The following AARS1 variants were observed in gnomAD, a reference collection of about 807,000 sequenced individuals.
AARS1 encodes alanyl-tRNA synthetase 1.
Under a neutral mutation model 108.9 loss-of-function variants are expected in AARS1, and 72 were observed. The ratio of observed to expected loss-of-function variants is 0.66; its 90% CI spans 0.55 to 0.80. The LOEUF (loss-of-function observed/expected upper bound fraction) is 0.80. Ranked by LOEUF, AARS1 falls within the 30% of genes least tolerant of loss-of-function variation. AARS1 has a pLI of 0.00. For missense variants in AARS1, 1,193 were observed against 1,233.2 expected, an observed-to-expected ratio of 0.97 and a Z score of 0.49; for synonymous variants, 489 against 465.7, an observed-to-expected ratio of 1.05 and a Z score of -0.64.
At chr16:70,258,443 G>C (rs1352766443) in intron 14 of AARS1, among the ~76,000 whole-genome samples, 1 of 152,208 alleles carries the variant, frequency 6.6e-6, no homozygotes, top group Non-Finnish European at 1.5e-5. Context: ...TATGTGAACA[G>C]ACTTAACTAG....
chr16:70,264,219 C>G (rs1343096666), intron 11 of AARS1, among the ~76,000 whole-genome samples: 5 of 151,436 alleles, frequency 3.3e-5, no homozygotes, highest in African/African-American at 1.2e-4. Context: ...GCACTCCAGC[C>G]TGGGCAACAG....
At chr16:70,262,834 G>A (rs1322559780) in intron 11 of AARS1, among the ~76,000 whole-genome samples, 3 of 151,478 alleles carry the variant, frequency 2.0e-5, no homozygotes, top group Admixed American at 6.6e-5. Context: ...CGGGTGTGGT[G>A]GCGGGCACCT....
chr16:70,255,728 C>G lies in AARS1; in HGVS notation c.2286G>C (p.Lys762Asn), dbSNP rs755001327. Residue 762 changes from lysine (K) to asparagine (N), a missense_variant and splice_region_variant, in exon 16 of 21, where the codon AAG (lysine) becomes AAC (asparagine). Transcript: ENST00000261772. Reference protein sequence around the residue: ...IVAVTGAEAQKALRKAESLKK... With the variant: ...IVAVTGAEAQNALRKAESLKK... ...CCACAAACCAGCCTGACCTGCTCAC[C>G]TTCTGGGCCTCGGCACCTGTGACAG... 6.2e-7 allele frequency: 1 copy of G among 1,614,054 alleles called. No individual in the cohort carries two copies. Among genetic ancestry groups the G allele is most frequent in the Non-Finnish European group, 8.5e-7 (1 of 1,179,940 alleles).
chr16:70,261,284 T>A, intron 12 of AARS1, 127 bp from the exon 13 acceptor site: 1 of 651,584 alleles, frequency 1.5e-6, no homozygotes, highest in Non-Finnish European at 2.7e-6. Flanking sequence ...ACACACATAC[T>A]CCCTTAATAT....
At chr16:70,286,979 C>T (rs553840212) in intron 1 of AARS1, among the ~76,000 whole-genome samples, 1 of 148,390 alleles carries the variant, frequency 6.7e-6, no homozygotes, top group African/African-American at 2.5e-5. Flanking sequence ...AGGCCGGGCG[C>T]GGTGGCTCAC....
In AARS1 at chr16:70,270,622, G is replaced by A. The variant is rs867373351; in HGVS notation, c.672-282C>T. 2.0e-4 allele frequency among the ~76,000 whole-genome samples: 31 copies of A among 151,746 alleles called. 1 individual carries two copies. Among genetic ancestry groups the A allele is most frequent in the South Asian group, 8.3e-4 (4 of 4,796 alleles). Reference sequence around the variant, plus strand: ...GGGAGGCCGAGGTGGTGGACCATCTGAGGTCAGGAGCTCGAGACCAGCCTG... The same window carrying A: ...GGGAGGCCGAGGTGGTGGACCATCTAAGGTCAGGAGCTCGAGACCAGCCTG... On this transcript the variant is annotated intron_variant, in intron 5 of 20. Coordinates refer to ENST00000261772, the MANE Select transcript of AARS1 (RefSeq NM_001605.3).
chr16:70,252,993 AC>A, intron 20 of AARS1, 87 bp from the exon 21 acceptor site: 1 of 1,413,970 alleles, frequency 7.1e-7, no homozygotes, highest in South Asian at 1.2e-5. Context: ...AGGAGCCATC[AC>A]CCACTCCTTG....
chr16:70,282,754 T>G lies in AARS1; in HGVS notation c.10A>C (p.Thr4Pro), dbSNP rs754308884. 5 of 1,613,594 alleles carry G rather than the reference T, an allele frequency of 3.1e-6. 1 individual carries two copies. In the South Asian group the frequency reaches 5.5e-5, roughly 18 times the overall value. The change falls in exon 2 of 21, where the codon ACT becomes CCT. Residue 4 changes from threonine (T) to proline (P), a missense_variant. Physicochemically the swap from Thr to Pro is conservative, Grantham distance 38 (BLOSUM62 -1). Coordinates refer to ENST00000261772, the MANE Select transcript of AARS1 (RefSeq NM_001605.3). ...TGCCGGATTTCACTTGCTGTTAGAG[T>G]AGAGTCCATCTTGAAAGTCACCCCA... MDS[T>P]LTASEIRQRF...
In AARS1 at chr16:70,253,947, C is replaced by G. The variant is rs762777733; in HGVS notation, c.2492G>C (p.Arg831Pro). 2.5e-6 allele frequency: 4 copies of G among 1,614,216 alleles called. No individual in the cohort carries two copies. Among genetic ancestry groups the G allele is most frequent in the South Asian group, 1.1e-5 (1 of 91,088 alleles). Residue 831 changes from arginine (R) to proline (P), a missense_variant, in exon 18 of 21, where the codon CGA (arginine) becomes CCA (proline). Coordinates refer to ENST00000261772, the MANE Select transcript of AARS1 (RefSeq NM_001605.3). ...TTTCTGGACATCGGCTTTGCTGGCT[C>G]GGTCCAAGTCATCCATGACCTTCTT... ...SLKKVMDDLD[R>P]ASKADVQKRV...
At chr16:70,280,313 T>C (rs1960664436) in intron 2 of AARS1, among the ~76,000 whole-genome samples, 1 of 151,914 alleles carries the variant, frequency 6.6e-6, no homozygotes, top group Admixed American at 6.6e-5. Context: ...GCCTCCCAGG[T>C]TCCAGCGATT....
At chr16:70,282,492 T>A in intron 2 of AARS1, 128 bp downstream of exon 2, 1 of 1,188,602 alleles carries the variant, frequency 8.4e-7, no homozygotes, top group Non-Finnish European at 1.2e-6. Flanking sequence ...GCCCATCACA[T>A]AAAGTTTCAC....
intron 4 of AARS1, among the ~76,000 whole-genome samples, chr16:70,273,858 G>A (rs865853948): frequency 4.1e-4 from 35 of 85,454 alleles, no homozygotes; most frequent in South Asian, 1.4e-3. Context: ...GCGGGACTCC[G>A]TCTCCAAAAA....
intron 2 of AARS1, among the ~76,000 whole-genome samples, chr16:70,282,253 C>T (rs1010248489): frequency 7.0e-6 from 1 of 143,416 alleles, no homozygotes; most frequent in Non-Finnish European, 1.5e-5. Flanking sequence ...GGCGTGAATC[C>T]AGAAGGCAGA....
At chr16:70,268,946 C>T (rs564103834) in intron 7 of AARS1, among the ~76,000 whole-genome samples, 2 of 152,310 alleles carry the variant, frequency 1.3e-5, no homozygotes, top group East Asian at 3.9e-4. Context: ...GTGGCTCACA[C>T]CTGTAATCCC....
intron 15 of AARS1, among the ~76,000 whole-genome samples, chr16:70,256,293 ATAGTATAGTTTTTTTTGTTTGT>A: frequency 6.6e-6 from 1 of 152,048 alleles, no homozygotes; most frequent in Non-Finnish European, 1.5e-5. Context: ...TTCTTTGAAG[ATAGTATAGTTTTTTTTGTTTGT>A]TTGTTTTGAG....
At chr16:70,269,411 C>G (rs1163165501) in intron 7 of AARS1, among the ~76,000 whole-genome samples, 2 of 147,182 alleles carry the variant, frequency 1.4e-5, no homozygotes, top group African/African-American at 2.5e-5. Flanking sequence ...GTGGTGTGCA[C>G]CTATAATCCC....
At position 70,276,648 on chromosome 16, in the gene AARS1, G is replaced by A. The variant is rs1456163756; in HGVS notation, c.334-17C>T. 6.2e-7 allele frequency: 1 copy of A among 1,613,426 alleles called. No individual in the cohort carries two copies. The highest frequency in any genetic ancestry group is 2.2e-5 in the East Asian group (1 of 44,896). ...TGCCAATTCCTACAAAAAGAACAGA[G>A]AGAAAGATATGGAACATTGCCAAAC... is the stretch of plus-strand genomic sequence containing the variant. On this transcript the variant is annotated splice_polypyrimidine_tract_variant and intron_variant, in intron 3 of 20. Coordinates refer to ENST00000261772, the MANE Select transcript of AARS1 (RefSeq NM_001605.3).
Position 70,277,069 on chromosome 16 carries a change from C to T in AARS1, c.230G>A (p.Arg77Gln), listed in dbSNP as rs1960569147. ...CAGGTCATTATGTTTGCCCCCAGCC[C>T]GGATGCACTTCTGGGTATTGGCAGC... The part of the protein sequence containing the change: ...SRAANTQKCI[R>Q]AGGKHNDLDD... The change falls in exon 3 of 21, where the codon CGG (arginine) becomes CAG (glutamine). Residue 77 changes from arginine to glutamine, a missense_variant. Arg to Gln is a conservative substitution (Grantham distance 43, BLOSUM62 1). Transcript: ENST00000261772. 1.2e-6 allele frequency: 2 copies of T among 1,614,118 alleles called. No individual in the cohort carries two copies. The highest frequency in any genetic ancestry group is 1.7e-6 in the Non-Finnish European group (2 of 1,180,008).
At chr16:70,283,641 G>C (rs184573862) in intron 1 of AARS1, among the ~76,000 whole-genome samples, 1 of 152,134 alleles carries the variant, frequency 6.6e-6, no homozygotes, top group African/African-American at 2.4e-5. Flanking sequence ...CCAAAGTCAG[G>C]GTCTCTAGGT....
Sources: allele counts gnomAD v4.1 joint callset (sites outside exome capture counted in the v4.1 genomes callset), GRCh38; gene constraint gnomAD v4.1.1; transcripts MANE v1.5; gene names NCBI Gene and HGNC (gene_info 2026-07-23, HGNC 2026-07-21).